The following NCKAP5 variants were observed in gnomAD, a reference collection of about 807,000 sequenced individuals.
NCKAP5 encodes the protein NCK associated protein 5.
In NCKAP5, 92 loss-of-function variants were observed where a neutral mutation model predicts 167.0. That is an observed-to-expected ratio of 0.55 (90% CI 0.47 to 0.66). The LOEUF is 0.66. NCKAP5 is among the 30% of genes least tolerant of loss of function. The pLI is 0.00. For missense variants in NCKAP5, 2,378 were observed against 2,315.0 expected (o/e 1.03, Z -0.56); for synonymous variants, 891 against 877.4 (o/e 1.02, Z -0.27).
At chr2:133,076,257 T>A (rs1231226024) in intron 6 of NCKAP5, among the ~76,000 whole-genome samples, 1 of 152,198 alleles carries the variant, frequency 6.6e-6, no homozygotes, top group African/African-American at 2.4e-5. Context: ...TCTGTGGAAT[T>A]CAACCAGCCT....
At chr2:132,877,876 G>C (rs940157407) in intron 9 of NCKAP5, among the ~76,000 whole-genome samples, 2 of 152,150 alleles carry the variant, frequency 1.3e-5, no homozygotes, top group Admixed American at 1.3e-4. Context: ...AGTTCCCACT[G>C]GAAAGGTACT....
At position 132,673,245 on chromosome 2, in the gene NCKAP5, G is replaced by T; in HGVS notation, c.*44C>A. On this transcript the variant is annotated 3_prime_UTR_variant, in exon 20 of 20. Coordinates refer to ENST00000409261, the MANE Select transcript of NCKAP5 (RefSeq NM_207363.3). ...CTGTTAAATTTATTGAATGACTCTA[G>T]GGAAATTTTCGATAATCTATTCTCG... 2 of 1,496,428 alleles carry T rather than the reference G, an allele frequency of 1.3e-6. No homozygotes were observed. Among genetic ancestry groups the T allele is most frequent in the South Asian group, 1.4e-5 (1 of 73,380 alleles). 92.7% of individuals were successfully genotyped at this position (1,496,428 alleles called of 1,614,324 possible). A position where few individuals can be genotyped will look rare whatever the true frequency, so the allele number is the denominator to read the frequency against.
At chr2:132,770,890 T>C (rs990894653) in intron 16 of NCKAP5, among the ~76,000 whole-genome samples, 2 of 152,196 alleles carry the variant, frequency 1.3e-5, no homozygotes, top group African/African-American at 4.8e-5. Context: ...TGTAATGTCA[T>C]AGTGTAACCC....
At chr2:132,730,848 G>C (rs185532277) in intron 17 of NCKAP5, among the ~76,000 whole-genome samples, 2 of 152,176 alleles carry the variant, frequency 1.3e-5, no homozygotes, top group African/African-American at 4.8e-5. Context: ...AGTTTGTGAC[G>C]CAACATTCGT....
chr2:133,380,618 T>G (rs542834250), intron 3 of NCKAP5, among the ~76,000 whole-genome samples: 2 of 152,324 alleles, frequency 1.3e-5, no homozygotes, highest in East Asian at 3.9e-4. Context: ...CTCTAATGTA[T>G]CCATCTCCAT....
intron 16 of NCKAP5, 40 bp from the exon 17 acceptor site, chr2:132,732,091 C>T (rs562044027): frequency 1.3e-6 from 2 of 1,536,664 alleles, no homozygotes; most frequent in African/African-American, 2.7e-5. Context: ...ATAGAGAAGG[C>T]TCACATAAAA....
At chr2:133,414,077 G>T (rs748702967) in intron 3 of NCKAP5, among the ~76,000 whole-genome samples, 16 of 152,122 alleles carry the variant, frequency 1.1e-4, no homozygotes, top group Non-Finnish European at 2.2e-4. Context: ...AACCACTTAG[G>T]ATGGGTTCCA....
chr2:133,535,172 G>A lies in NCKAP5; in HGVS notation c.-61-17585C>T, dbSNP rs1437228308. On this transcript the variant is annotated intron_variant, in intron 2 of 19. Coordinates refer to ENST00000409261, the MANE Select transcript of NCKAP5 (RefSeq NM_207363.3). ...AAAACTAGATTCAGGAGATACATAT[G>A]CAAGTTTTGTTTCATGCATATATTG... 2.0e-5 allele frequency among the ~76,000 whole-genome samples: 3 copies of A among 152,128 alleles called. No individual in the cohort carries two copies. In the East Asian group the frequency reaches 5.8e-4, roughly 29 times the overall value.
At chr2:133,659,670 G>A in the NCKAP5 span, among the ~76,000 whole-genome samples, 1 of 152,220 alleles carries the variant, frequency 6.6e-6, no homozygotes, top group African/African-American at 2.4e-5. Flanking sequence ...ATGTGTACAA[G>A]GTTCCTTTCT....
chr2:133,658,672 C>T, the NCKAP5 span, among the ~76,000 whole-genome samples: 26 of 152,206 alleles, frequency 1.7e-4, no homozygotes, highest in East Asian at 3.7e-3. Flanking sequence ...CTCACAGTGC[C>T]GACAGCAGGA....
intron 3 of NCKAP5, among the ~76,000 whole-genome samples, chr2:133,436,716 G>A (rs1690504216): frequency 6.6e-6 from 1 of 152,028 alleles, no homozygotes; most frequent in African/African-American, 2.4e-5. Context: ...TAGGAAATCT[G>A]TTCTCACTTG....
intron 6 of NCKAP5, among the ~76,000 whole-genome samples, chr2:133,014,722 G>T (rs958516819): frequency 6.6e-6 from 1 of 152,162 alleles, no homozygotes; most frequent in Non-Finnish European, 1.5e-5. Context: ...AATATTAAAT[G>T]ATGTACTCCA....
chr2:133,032,707 G>A (rs1365633114), intron 6 of NCKAP5, among the ~76,000 whole-genome samples: 2 of 152,170 alleles, frequency 1.3e-5, no homozygotes, highest in Non-Finnish European at 2.9e-5. Flanking sequence ...TGTTCTCACA[G>A]TGCTATAAAA....
chr2:133,152,011 G>T (rs555020624), intron 5 of NCKAP5, among the ~76,000 whole-genome samples: 4 of 152,042 alleles, frequency 2.6e-5, no homozygotes, highest in Non-Finnish European at 5.9e-5. Context: ...GCAGAAACTT[G>T]AAAGGAATCA....
At chr2:132,875,150 A>G (rs1006330692) in intron 9 of NCKAP5, among the ~76,000 whole-genome samples, 3 of 152,058 alleles carry the variant, frequency 2.0e-5, no homozygotes. Context: ...GTGGTGCTTT[A>G]AAAAAACAGA....
rs11275092 is a variant in NCKAP5, at chr2:132,949,003, T to TGAAAAGAAAAGAAAAGAAAA, written c.579+14697_579+14716dup. 3.4e-3 allele frequency among the ~76,000 whole-genome samples: 449 copies of TGAAAAGAAAAGAAAAGAAAA among 130,256 alleles called. 4 individuals carry two copies. Among genetic ancestry groups the TGAAAAGAAAAGAAAAGAAAA allele is most frequent in the African/African-American group, 0.012 (430 of 34,456 alleles). The allele number at this position is 130,256 out of a possible 152,430, so 85.5% of individuals were successfully genotyped here. Reference sequence around the variant, plus strand: ...CAGAAGCAACAAAGATCCAGAGAAATGAAAAGAAAAGAAAAGAAAAGAAAA... The same window carrying TGAAAAGAAAAGAAAAGAAAA: ...CAGAAGCAACAAAGATCCAGAGAAATGAAAAGAAAAGAAAAGAAAAGAAAAGAAAAGAAAAGAAAAGAAAA... On this transcript the variant is annotated intron_variant, in intron 8 of 19. Coordinates refer to ENST00000409261, the MANE Select transcript of NCKAP5 (RefSeq NM_207363.3).
intron 11 of NCKAP5, among the ~76,000 whole-genome samples, chr2:132,860,281 T>G (rs2148712111): frequency 6.6e-6 from 1 of 152,352 alleles, no homozygotes; most frequent in South Asian, 2.1e-4. Context: ...CTGTTTATTA[T>G]TTGTTAGTGC....
Position 133,419,258 on chromosome 2 carries a change from T to C in NCKAP5, c.69+98200A>G, listed in dbSNP as rs149156568. ...AATAAGAAATAGATGGTCCAAGAAA[T>C]AGAAACAAAGAGTAATGGAATTAGT... On this transcript the variant is annotated intron_variant, in intron 3 of 19. Coordinates refer to ENST00000409261, the MANE Select transcript of NCKAP5 (RefSeq NM_207363.3). 1.5e-3 allele frequency among the ~76,000 whole-genome samples: 223 copies of C among 152,184 alleles called. 2 individuals are homozygous for C. Among genetic ancestry groups the C allele is most frequent in the African/African-American group, 5.3e-3 (221 of 41,512 alleles).
intron 8 of NCKAP5, among the ~76,000 whole-genome samples, chr2:132,909,345 C>CA (rs1014062167): frequency 1.2e-4 from 18 of 149,250 alleles, no homozygotes; most frequent in Middle Eastern, 3.5e-3. Context: ...TACTCCATCT[C>CA]AAAAAAAAAA....
Sources: allele counts gnomAD v4.1 joint callset (sites outside exome capture counted in the v4.1 genomes callset), GRCh38; gene constraint gnomAD v4.1.1; transcripts MANE v1.5; gene names NCBI Gene and HGNC (gene_info 2026-07-23, HGNC 2026-07-21).